Variants in ESR1 observed in about 807,000 individuals in gnomAD.
ESR1 encodes the protein estrogen receptor.
Under a neutral mutation model 52.7 loss-of-function variants are expected in ESR1, and 12 were observed. The observed-to-expected ratio is 0.23, with a 90% CI of 0.15 to 0.37. The LOEUF (loss-of-function observed/expected upper bound fraction) is 0.37, where lower values mean the gene tolerates loss of function less well. Ranked by LOEUF, ESR1 falls within the 10% of genes least tolerant of loss-of-function variation. The pLI is 1.00. For missense variants in ESR1, 584 were observed against 779.7 expected, an observed-to-expected ratio of 0.75 and a Z score of 2.99; for synonymous variants, 305 against 316.8, an observed-to-expected ratio of 0.96 and a Z score of 0.39.
chr6:151,941,840 T>C (rs2035106033), intron 3 of ESR1, among the ~76,000 whole-genome samples: 1 of 152,254 alleles, frequency 6.6e-6, no homozygotes, highest in South Asian at 2.1e-4. Context: ...TGCTTCTATT[T>C]TAGCCTTTGG....
intron 3 of ESR1, among the ~76,000 whole-genome samples, chr6:151,922,147 GAA>G (rs1253021537): frequency 6.6e-6 from 1 of 152,120 alleles, no homozygotes; most frequent in Non-Finnish European, 1.5e-5. Flanking sequence ...AGAGAACTCA[GAA>G]ATAAGACCAC....
chr6:151,699,771 A>G (rs1046965858), intron 1 of ESR1, among the ~76,000 whole-genome samples: 18 of 152,328 alleles, frequency 1.2e-4, no homozygotes, highest in Middle Eastern at 3.4e-3. Context: ...ATATAATGGA[A>G]TCCTGAGTTC....
intron 6 of ESR1, among the ~76,000 whole-genome samples, chr6:152,088,571 A>G (rs2049929858): frequency 6.6e-6 from 1 of 152,180 alleles, no homozygotes; most frequent in African/African-American, 2.4e-5. Context: ...GGGTTAATGG[A>G]TCAATGAGTT....
Position 151,865,621 on chromosome 6 carries a change from C to T in ESR1, c.644-15034C>T, listed in dbSNP as rs556377471. ...CAATCTGGGACATCAAGAAGCCAGA[C>T]GACAAGGAGACATAGACCTCAGGTG... On this transcript the variant is annotated intron_variant, in intron 2 of 7. Transcript: ENST00000206249. Among the ~76,000 whole-genome samples, 17 of 152,220 alleles carry T rather than the reference C, an allele frequency of 1.1e-4. 1 individual carries two copies. Among genetic ancestry groups the T allele is most frequent in the Admixed American group, 3.3e-4 (5 of 15,282 alleles).
chr6:152,051,816 CT>C (rs1476493588), intron 5 of ESR1, among the ~76,000 whole-genome samples: 1 of 151,990 alleles, frequency 6.6e-6, no homozygotes, highest in African/African-American at 2.4e-5. Flanking sequence ...AACTTTGTTT[CT>C]TTTTTTTAAA....
intron 6 of ESR1, chr6:152,113,096 T>A (rs1459979675): frequency 6.6e-6 from 1 of 152,352 alleles, no homozygotes; most frequent in Non-Finnish European, 1.5e-5. Context: ...TGTCCCACCC[T>A]GCCGCCAGTG....
chr6:151,703,788 C>T (rs189411935), intron 2 of ESR1, among the ~76,000 whole-genome samples: 9 of 152,328 alleles, frequency 5.9e-5, no homozygotes, highest in Admixed American at 4.6e-4. Context: ...TGATTCTACA[C>T]ATGTCAGTCC....
intron 7 of ESR1, among the ~76,000 whole-genome samples, chr6:152,096,229 A>C (rs1411969510): frequency 6.6e-6 from 1 of 152,198 alleles, no homozygotes; most frequent in Non-Finnish European, 1.5e-5. Flanking sequence ...TGAAGCCTAC[A>C]TGACCTTGGG....
chr6:151,850,046 T>TATATGCATAGAAAATAA (rs1562474143), intron 2 of ESR1, among the ~76,000 whole-genome samples: 1,397 of 57,300 alleles, frequency 0.024, 62 homozygotes, highest in African/African-American at 0.093. Flanking sequence ...ATATATAATT[T>TATATGCATAGAAAATAA]TATATATATA....
rs529163095 is a variant in ESR1 at position 152,026,921 on chromosome 6, C to A, written c.1235+15127C>A. 5.9e-5 allele frequency among the ~76,000 whole-genome samples: 9 copies of A among 151,758 alleles called. No individual in the cohort carries two copies. The South Asian group carries it at 1.9e-3, about 32-fold the overall frequency. On this transcript the variant is annotated intron_variant, in intron 5 of 7. Coordinates refer to ENST00000206249, the MANE Select transcript of ESR1 (RefSeq NM_000125.4). ...ATATCAATTTACTTCCAGCACATAC[C>A]TATGAGGTAATTGTAAGCTAATAAT...
intron 1 of ESR1, 69 bp downstream of exon 1, chr6:151,808,433 A>AGGGC: frequency 8.9e-7 from 1 of 1,125,096 alleles, no homozygotes; most frequent in South Asian, 1.7e-5. Flanking sequence ...GGAGGGAGGG[A>AGGGC]GAAGGGAGAG....
intron 1 of ESR1, among the ~76,000 whole-genome samples, chr6:151,811,707 C>A (rs956196637): frequency 6.6e-6 from 1 of 151,654 alleles, no homozygotes; most frequent in Non-Finnish European, 1.5e-5. Context: ...AACATTTCAG[C>A]CCCCTTCCTT....
chr6:151,781,760 A>G (rs1398464430), intron 2 of ESR1, among the ~76,000 whole-genome samples: 1 of 152,180 alleles, frequency 6.6e-6, no homozygotes, highest in African/African-American at 2.4e-5. Flanking sequence ...ATATCTTCCT[A>G]CTAAACAGTG....
At chr6:151,694,291 A>G (rs1384063037) in intron 1 of ESR1, among the ~76,000 whole-genome samples, 1 of 152,194 alleles carries the variant, frequency 6.6e-6, no homozygotes, top group African/African-American at 2.4e-5. Context: ...TAAAGTTTGT[A>G]ATCAATATGA....
intron 6 of ESR1, among the ~76,000 whole-genome samples, chr6:152,113,425 G>A (rs2051170821): frequency 6.6e-6 from 1 of 152,134 alleles, no homozygotes; most frequent in Non-Finnish European, 1.5e-5. Context: ...ACTCATCTGG[G>A]AGGGAGTCTT....
intron 5 of ESR1, among the ~76,000 whole-genome samples, chr6:152,035,321 T>A (rs541521334): frequency 3.4e-4 from 51 of 151,362 alleles, no homozygotes; most frequent in African/African-American, 1.2e-3. Context: ...TATAATTATA[T>A]ACATTTTATA....
chr6:152,024,995 T>C (rs990581135), intron 5 of ESR1, among the ~76,000 whole-genome samples: 1 of 151,582 alleles, frequency 6.6e-6, no homozygotes, highest in Non-Finnish European at 1.5e-5. Context: ...GCTAGTGGCA[T>C]TGGATGACAC....
chr6:151,766,217 G>A (rs1785037730), intron 2 of ESR1, among the ~76,000 whole-genome samples: 1 of 152,162 alleles, frequency 6.6e-6, no homozygotes, highest in Non-Finnish European at 1.5e-5. Flanking sequence ...CATGAGACAA[G>A]GAACGAGGTA....
At chr6:151,713,371 G>A (rs1050083072) in intron 2 of ESR1, among the ~76,000 whole-genome samples, 1 of 152,130 alleles carries the variant, frequency 6.6e-6, no homozygotes, top group South Asian at 2.1e-4. Context: ...TTAGGGAGGA[G>A]TCCCTCTTTT....
Sources: allele counts gnomAD v4.1 joint callset (sites outside exome capture counted in the v4.1 genomes callset), GRCh38; gene constraint gnomAD v4.1.1; transcripts MANE v1.5; gene names NCBI Gene and HGNC (gene_info 2026-07-23, HGNC 2026-07-21).